CD244: variants seen among roughly 807,000 people sequenced by gnomAD.
CD244 encodes the protein natural killer cell receptor 2B4.
Under a neutral mutation model 45.5 loss-of-function variants are expected in CD244, and 20 were observed. The observed-to-expected ratio is 0.44, with a 90% CI of 0.31 to 0.64. The LOEUF (loss-of-function observed/expected upper bound fraction) is 0.64, where lower values mean the gene tolerates loss of function less well. CD244 is among the 30% of genes least tolerant of loss of function. The probability of loss-of-function intolerance (pLI) is 0.08; values close to 1 mark genes in which losing one functional copy is unlikely to be tolerated. For synonymous variants in CD244, 185 were observed against 160.5 expected (o/e 1.15, Z -1.15); for missense variants, 407 against 426.9 (o/e 0.95, Z 0.41).
Position 160,831,143 on chromosome 1 carries a change from G to A in CD244, c.*204C>T, listed in dbSNP as rs1048069656. Reference sequence around the variant, plus strand: ...CCCTCCACCCATTCATGTCTGATCTGTAAATTGGAAGATATTATTTAACAG... The same window carrying A: ...CCCTCCACCCATTCATGTCTGATCTATAAATTGGAAGATATTATTTAACAG... On this transcript the variant is annotated 3_prime_UTR_variant, in exon 9 of 9. Transcript: ENST00000368034. 3.9e-6 allele frequency: 2 copies of A among 516,286 alleles called. No homozygotes were observed. Among genetic ancestry groups the A allele is most frequent in the Admixed American group, 6.8e-5 (2 of 29,512 alleles). The allele number at this position is 516,286 out of a possible 1,614,324, so 32.0% of individuals were successfully genotyped here.
intron 1 of CD244, among the ~76,000 whole-genome samples, chr1:160,851,186 G>A (rs1362964155): frequency 2.6e-5 from 4 of 152,204 alleles, no homozygotes; most frequent in African/African-American, 7.2e-5. Flanking sequence ...ACTGGCCATC[G>A]GTGATCAACT....
intron 1 of CD244, among the ~76,000 whole-genome samples, chr1:160,854,685 A>G (rs955873999): frequency 1.3e-5 from 2 of 151,996 alleles, no homozygotes; most frequent in Non-Finnish European, 2.9e-5. Flanking sequence ...ACTCCCAGCC[A>G]TAGACTTCTA....
intron 5 of CD244, among the ~76,000 whole-genome samples, chr1:160,837,613 G>A (rs987997593): frequency 7.9e-5 from 12 of 152,202 alleles, no homozygotes; most frequent in African/African-American, 2.9e-4. Flanking sequence ...CACGTATGTG[G>A]CCAGCACGGA....
chr1:160,851,482 T>A (rs1271024279), intron 1 of CD244, among the ~76,000 whole-genome samples: 1 of 152,146 alleles, frequency 6.6e-6, no homozygotes, highest in Non-Finnish European at 1.5e-5. Context: ...TTGGTCAAAT[T>A]GATATCTATA....
chr1:160,833,546 A>C (rs970578507), intron 7 of CD244, among the ~76,000 whole-genome samples: 1 of 152,226 alleles, frequency 6.6e-6, no homozygotes, highest in Non-Finnish European at 1.5e-5. Flanking sequence ...ATTTCAGTGC[A>C]AAAGGATGGG....
At chr1:160,844,396 T>A (rs748404185) in intron 1 of CD244, among the ~76,000 whole-genome samples, 1 of 152,208 alleles carries the variant, frequency 6.6e-6, no homozygotes, top group Non-Finnish European at 1.5e-5. Context: ...CGTGATAGAA[T>A]GCAAAAATAC....
At chr1:160,857,234 C>T (rs903328821) in intron 1 of CD244, among the ~76,000 whole-genome samples, 2 of 152,212 alleles carry the variant, frequency 1.3e-5, no homozygotes, top group Non-Finnish European at 2.9e-5. Flanking sequence ...CTATTTGGTT[C>T]AACCACTTTG....
intron 1 of CD244, among the ~76,000 whole-genome samples, chr1:160,859,889 G>A (rs1670235373): frequency 6.6e-6 from 1 of 152,032 alleles, no homozygotes; most frequent in Non-Finnish European, 1.5e-5. Context: ...CAGTCTGGGT[G>A]AAAGAACCAG....
intron 1 of CD244, among the ~76,000 whole-genome samples, chr1:160,850,695 G>A (rs1669889849): frequency 1.3e-5 from 2 of 152,170 alleles, no homozygotes; most frequent in Non-Finnish European, 2.9e-5. Context: ...TTTTCCTCTG[G>A]TTTCACACCA....
At chr1:160,848,782 G>C (rs899516081) in intron 1 of CD244, among the ~76,000 whole-genome samples, 1 of 150,936 alleles carries the variant, frequency 6.6e-6, no homozygotes, top group Non-Finnish European at 1.5e-5. Flanking sequence ...AGTGTGCCCA[G>C]GGAAGGCATG....
chr1:160,836,145 GGAAA>G (rs779668141), intron 6 of CD244, 46 bp downstream of exon 6: 1 of 1,411,380 alleles, frequency 7.1e-7, no homozygotes, highest in Non-Finnish European at 1.0e-6. Flanking sequence ...GGGGGCATTA[GGAAA>G]CCCCAGAGAT....
intron 4 of CD244, 48 bp downstream of exon 4, chr1:160,838,891 G>T (rs1176027975): frequency 2.4e-6 from 3 of 1,271,874 alleles, no homozygotes; most frequent in African/African-American, 1.5e-5. Context: ...AAAGTCACAG[G>T]ATCCAAGGCC....
intron 1 of CD244, among the ~76,000 whole-genome samples, chr1:160,852,316 G>A (rs571603214): frequency 7.2e-5 from 11 of 152,278 alleles, no homozygotes; most frequent in African/African-American, 2.6e-4. Flanking sequence ...TTGGGAGGCC[G>A]AGGCGGGTGG....
At chr1:160,834,238 A>G (rs917417894) in intron 6 of CD244, 122 bp from the exon 7 acceptor site, 9 of 727,814 alleles carry the variant, frequency 1.2e-5, no homozygotes, top group African/African-American at 1.2e-4. Flanking sequence ...GTTAGTGAAA[A>G]GAGCCCTGGA....
rs542755190 is a variant in CD244 at position 160,857,632 on chromosome 1, G to C, written c.61+4985C>G. ...TGGAAGACAGAGGAAGTAATGAATGGGAGAGAACATGTGGTAGACACAAGA... is the reference window on the plus strand; with the variant it reads ...TGGAAGACAGAGGAAGTAATGAATGCGAGAGAACATGTGGTAGACACAAGA... On this transcript the variant is annotated intron_variant, in intron 1 of 8. Transcript: ENST00000368034. Among the ~76,000 whole-genome samples the C allele has an allele frequency of 6.8e-4, 103 of 152,306 alleles. 3 individuals carry two copies. In the South Asian group the frequency reaches 0.021, roughly 30 times the overall value.
chr1:160,833,234 G>A (rs191569573), intron 7 of CD244, among the ~76,000 whole-genome samples: 15 of 152,124 alleles, frequency 9.9e-5, no homozygotes, highest in African/African-American at 2.2e-4. Context: ...TCTCTCTCAC[G>A]ATGGGATCCA....
At chr1:160,845,448 C>T (rs1037370349) in intron 1 of CD244, among the ~76,000 whole-genome samples, 7 of 151,966 alleles carry the variant, frequency 4.6e-5, no homozygotes, top group South Asian at 2.1e-4. Context: ...AGCAAGGAGA[C>T]GAGAGAGGAA....
intron 1 of CD244, among the ~76,000 whole-genome samples, chr1:160,859,836 C>T (rs910502311): frequency 2.0e-5 from 3 of 150,884 alleles, no homozygotes; most frequent in South Asian, 2.1e-4. Context: ...CTTGAGCCTG[C>T]GAGGTCGAGG....
intron 1 of CD244, among the ~76,000 whole-genome samples, chr1:160,861,086 C>T (rs1272584534): frequency 6.6e-6 from 1 of 152,242 alleles, no homozygotes; most frequent in African/African-American, 2.4e-5. Context: ...CTGTTACTCT[C>T]ATCCCCACAG....
Sources: allele counts gnomAD v4.1 joint callset (sites outside exome capture counted in the v4.1 genomes callset), GRCh38; gene constraint gnomAD v4.1.1; transcripts MANE v1.5; gene names NCBI Gene and HGNC (gene_info 2026-07-23, HGNC 2026-07-21).